MUC5AC: variants seen among roughly 807,000 people sequenced by gnomAD.
The protein encoded by MUC5AC is mucin 5AC, oligomeric mucus/gel-forming.
MUC5AC carries 158 observed loss-of-function variants against 169.7 expected under a neutral mutation model. The ratio of observed to expected loss-of-function variants is 0.93; its 90% CI spans 0.82 to 1.06. MUC5AC has a LOEUF of 1.06. MUC5AC is among the 50% of genes least tolerant of loss of function. The probability of loss-of-function intolerance (pLI) is 0.00; values close to 1 mark genes in which losing one functional copy is unlikely to be tolerated. For missense variants in MUC5AC, 4,359 were observed against 3,089.9 expected, an observed-to-expected ratio of 1.41 and a Z score of -9.74; for synonymous variants, 1,975 against 1,237.0, an observed-to-expected ratio of 1.60 and a Z score of -12.52.
intron 36 of MUC5AC, 129 bp from the exon 37 acceptor site, chr11:1,195,747 C>G: frequency 8.1e-6 from 4 of 491,158 alleles, no homozygotes; most frequent in Non-Finnish European, 1.5e-5. Context: ...TACAGGAGGG[C>G]GGCCACACAC....
At chr11:1,182,110 A>C (rs1262612633) in intron 30 of MUC5AC, 45 bp from the exon 31 acceptor site, 1 of 398,302 alleles carries the variant, frequency 2.5e-6, no homozygotes, top group Non-Finnish European at 4.4e-6. Flanking sequence ...GGCGGCCCCC[A>C]AGTGCGGGCC....
chr11:1,187,687 C>A lies in MUC5AC; in HGVS notation c.9542C>A (p.Thr3181Asn), dbSNP rs1554928333. The A allele has an allele frequency of 1.1e-4, 82 of 765,044 alleles. No homozygotes were observed. The highest frequency in any genetic ancestry group is 1.6e-4 in the Non-Finnish European group (67 of 417,838). The allele number at this position is 765,044 out of a possible 1,614,324, so 47.4% of individuals were successfully genotyped here. ...ACTTCTGCCTCTACAACCAGCACAA[C>A]CCCTGGTCCTGGAACCACTCCCAGC... ...STTSASTTST[T>N]PGPGTTPSPV... is the part of the protein sequence containing the mutation. Residue 3181 changes from threonine (T) to asparagine (N), a missense_variant, in exon 31 of 49, where the codon ACC becomes AAC. Coordinates refer to ENST00000621226, the MANE Select transcript of MUC5AC (RefSeq NM_001304359.2).
Position 1,185,388 on chromosome 11 carries a change from G to A in MUC5AC, c.7243G>A (p.Ala2415Thr). Residue 2415 changes from alanine to threonine, a missense_variant, in exon 31 of 49, where the codon GCT (alanine) becomes ACT (threonine). Physicochemically the swap from Ala to Thr is moderately conservative, Grantham distance 58 (BLOSUM62 0). Coordinates refer to ENST00000621226, the MANE Select transcript of MUC5AC (RefSeq NM_001304359.2). ...TGCCACTACAACCAGCACAACCTCA[G>A]CTCCTACAACCAGCACAACCTCTGC... ...TSATTTSTTS[A>T]PTTSTTSAPT... 1.4e-6 allele frequency: 1 copy of A among 733,070 alleles called. No individual in the cohort carries two copies. Among genetic ancestry groups the A allele is most frequent in the East Asian group, 2.5e-5 (1 of 39,570 alleles). The allele number at this position is 733,070 out of a possible 1,614,324, so 45.4% of individuals were successfully genotyped here.
chr11:1,171,501 TCACCCATTCACC>T (rs1860534611), intron 15 of MUC5AC, among the ~76,000 whole-genome samples: 1 of 104,482 alleles, frequency 9.6e-6, no homozygotes, highest in Non-Finnish European at 1.9e-5. Flanking sequence ...ACTCACCCAT[TCACCCATTCACC>T]CACTCACTCA....
chr11:1,180,130 G>A lies in MUC5AC; in HGVS notation c.3593G>A (p.Arg1198Gln), dbSNP rs1405820267. The A allele has an allele frequency of 1.0e-5, 4 of 397,910 alleles. No homozygotes were observed. The highest frequency in any genetic ancestry group is 2.1e-5 in the African/African-American group (1 of 48,348). 24.6% of individuals were successfully genotyped at this position (397,910 alleles called of 1,614,324 possible). Reference sequence around the variant, plus strand: ...CGGAACCCCCGTGGAGACTGCCTGCGGGACGTCCGGGGCCTGGAAGGTGGG... The same window carrying A: ...CGGAACCCCCGTGGAGACTGCCTGCAGGACGTCCGGGGCCTGGAAGGTGGG... ...TCRNPRGDCL[R>Q]DVRGLEGCYP... The change falls in exon 27 of 49, where the codon CGG becomes CAG. Residue 1198 changes from arginine to glutamine, a missense_variant. Coordinates refer to ENST00000621226, the MANE Select transcript of MUC5AC (RefSeq NM_001304359.2).
chr11:1,174,350 C>T (rs1860622349), intron 16 of MUC5AC, 146 bp from the exon 17 acceptor site: 2 of 561,152 alleles, frequency 3.6e-6, no homozygotes, highest in East Asian at 6.2e-5. Context: ...GGGCAGGATG[C>T]CTGTGAGGAC....
Position 1,190,511 on chromosome 11 carries a change from C to T in MUC5AC, c.12366C>T (p.Thr4122=), listed in dbSNP as rs1367939026. 60 of 501,176 alleles carry T rather than the reference C, an allele frequency of 1.2e-4. No homozygotes were observed. Among genetic ancestry groups the T allele is most frequent in the Middle Eastern group, 5.6e-4 (2 of 3,594 alleles). 31.0% of individuals were successfully genotyped at this position (501,176 alleles called of 1,614,324 possible). A position where few individuals can be genotyped will look rare whatever the true frequency, so the allele number is the denominator to read the frequency against. ...TCCCTGCTTCTACACCCAGCACAAC[C>T]TCTGCCCCTACAACCAGCACAACCT... is the stretch of plus-strand genomic sequence containing the variant. The part of the protein sequence containing the change: ...STIPASTPST[T]SAPTTSTTSA... Residue 4122 remains threonine (T), a synonymous_variant, in exon 31 of 49, where the codon ACC becomes ACT. Transcript: ENST00000621226.
Position 1,184,571 on chromosome 11 carries a change from C to G in MUC5AC, c.6426C>G (p.Thr2142=). 1 of 633,472 alleles carries G rather than the reference C, an allele frequency of 1.6e-6. No individual in the cohort carries two copies. Among genetic ancestry groups the G allele is most frequent in the Non-Finnish European group, 2.8e-6 (1 of 351,574 alleles). 39.2% of individuals were successfully genotyped at this position (633,472 alleles called of 1,614,324 possible). A position where few individuals can be genotyped will look rare whatever the true frequency, so the allele number is the denominator to read the frequency against. Residue 2142 remains threonine (T), a synonymous_variant, in exon 31 of 49, where the codon ACC becomes ACG. Transcript: ENST00000621226. Reference sequence around the variant, plus strand: ...GACCCCATGGTGGAGACAAGGAAACCTACAACAACATCATCAGGAGTGGGG... The same window carrying G: ...GACCCCATGGTGGAGACAAGGAAACGTACAACAACATCATCAGGAGTGGGG... ...SPGPHGGDKE[T]YNNIIRSGEK... is the part of the protein sequence containing the mutation.
chr11:1,192,654 C>T (rs554454877), intron 31 of MUC5AC, 129 bp downstream of exon 31: 4 of 688,442 alleles, frequency 5.8e-6, no homozygotes, highest in African/African-American at 3.5e-5. Flanking sequence ...CACAGAGTGG[C>T]TGCTGGCATT....
At chr11:1,160,872 C>T in intron 2 of MUC5AC, among the ~76,000 whole-genome samples, 183 bp downstream of exon 2, 1 of 152,234 alleles carries the variant, frequency 6.6e-6, no homozygotes, top group Non-Finnish European at 1.5e-5. Context: ...CTACCTGCCT[C>T]TCCTTGGGCC....
intron 16 of MUC5AC, among the ~76,000 whole-genome samples, chr11:1,173,912 C>T (rs1341402560): frequency 6.6e-6 from 1 of 151,142 alleles, no homozygotes; most frequent in African/African-American, 2.4e-5. Flanking sequence ...CTCATCCACT[C>T]ACTTACTCAT....
chr11:1,164,797 C>T (rs28695712), intron 9 of MUC5AC, among the ~76,000 whole-genome samples: 14 of 139,622 alleles, frequency 1.0e-4, no homozygotes, highest in South Asian at 2.3e-4. Context: ...GCCCCTGTCC[C>T]GGGCCCCTGA....
chr11:1,162,157 C>T lies in MUC5AC; in HGVS notation c.462C>T (p.Val154=), dbSNP rs1371051521. The change falls in exon 4 of 49, where the codon GTC becomes GTT. Residue 154 remains valine, a synonymous_variant. Transcript: ENST00000621226. ...VIQLTKGSVL[V]NGHPVLLPFS... ...AGCTGACCAAGGGCTCCGTCCTGGT[C>T]AACGGCCACCCGTGAGTCTGGGTTC... 6.2e-7 allele frequency: 1 copy of T among 1,610,190 alleles called. No individual in the cohort carries two copies. Among genetic ancestry groups the T allele is most frequent in the Non-Finnish European group, 8.5e-7 (1 of 1,178,150 alleles).
chr11:1,194,886 C>T (rs1361366590), intron 35 of MUC5AC, 126 bp from the exon 36 acceptor site: 6 of 622,334 alleles, frequency 9.6e-6, no homozygotes, highest in Non-Finnish European at 1.7e-5. Flanking sequence ...GACAGTGAGG[C>T]ACAGGCAGGG....
rs1861051651 is a variant in MUC5AC at position 1,190,099 on chromosome 11, G to A, written c.11954G>A (p.Arg3985Lys). Residue 3985 changes from arginine (R) to lysine (K), a missense_variant, in exon 31 of 49, where the codon AGG becomes AAG. Transcript: ENST00000621226. ...GDKETYNNII[R>K]SGEKICRRPE... ...AAGGAAACCTACAACAACATCATCA[G>A]GAGTGGGGAAAAAATCTGCCGCCGA... The A allele has an allele frequency of 2.6e-6, 2 of 762,306 alleles. No homozygotes were observed. Among genetic ancestry groups the A allele is most frequent in the East Asian group, 4.9e-5 (2 of 41,220 alleles). The allele number at this position is 762,306 out of a possible 1,614,324, so 47.2% of individuals were successfully genotyped here. A position where few individuals can be genotyped will look rare whatever the true frequency, so the allele number is the denominator to read the frequency against.
Position 1,194,343 on chromosome 11 carries a change from G to A in MUC5AC, c.14989G>A (p.Gly4997Arg), listed in dbSNP as rs746331285. ...GGTGCTGACCCGCAAGCCAGTCCAC[G>A]GGGTGATGACAAACGAGGTGGGGGC... ...RVVLTRKPVH[G>R]VMTNEIIFNN... is the part of the protein sequence containing the mutation. The change falls in exon 34 of 49, where the codon GGG (glycine) becomes AGG (arginine). Residue 4997 changes from glycine (G) to arginine (R), a missense_variant. Physicochemically the swap from Gly to Arg is moderately radical, Grantham distance 125 (BLOSUM62 -2). Transcript: ENST00000621226. The A allele has an allele frequency of 1.1e-5, 8 of 735,294 alleles. No individual in the cohort carries two copies. The highest frequency in any genetic ancestry group is 2.5e-5 in the East Asian group (1 of 39,386). 45.5% of individuals were successfully genotyped at this position (735,294 alleles called of 1,614,324 possible).
rs77237431 is a variant in MUC5AC at position 1,196,903 on chromosome 11, G to A, written c.15856G>A (p.Val5286Met). The change falls in exon 40 of 49, where the codon GTG (valine) becomes ATG (methionine). Residue 5286 changes from valine (V) to methionine (M), a missense_variant. Transcript: ENST00000621226. ...GTGTCTGGGGCCCCACGGAGAGCCGGTGAAGGTGAGTGGAAGGCATGGCCC... is the reference window on the plus strand; with the variant it reads ...GTGTCTGGGGCCCCACGGAGAGCCGATGAAGGTGAGTGGAAGGCATGGCCC... ...PRCLGPHGEP[V>M]KVGHTVGMDC... 1 of 763,038 alleles carries A rather than the reference G, an allele frequency of 1.3e-6. No individual in the cohort carries two copies. Among genetic ancestry groups the A allele is most frequent in the Non-Finnish European group, 2.4e-6 (1 of 417,104 alleles). 47.3% of individuals were successfully genotyped at this position (763,038 alleles called of 1,614,324 possible).
chr11:1,192,599 T>A, intron 31 of MUC5AC, 74 bp downstream of exon 31: 1 of 731,542 alleles, frequency 1.4e-6, no homozygotes, highest in Non-Finnish European at 2.5e-6. Flanking sequence ...CGCCAAGCTG[T>A]GATGATGATA....
rs1554928291 is a variant in MUC5AC, at chr11:1,187,608, A to G, written c.9463A>G (p.Thr3155Ala). ...CAGCAAAACCTCTGGTCCTGGAACC[A>G]CTCCCAGCCCTGTTCCCACCACCAG... is the stretch of plus-strand genomic sequence containing the variant. ...TASKTSGPGT[T>A]PSPVPTTSTI... The change falls in exon 31 of 49, where the codon ACT becomes GCT. Residue 3155 changes from threonine to alanine, a missense_variant. Transcript: ENST00000621226. 6.6e-6 allele frequency: 5 copies of G among 762,106 alleles called. No homozygotes were observed. Among genetic ancestry groups the G allele is most frequent in the Non-Finnish European group, 1.2e-5 (5 of 416,454 alleles). 47.2% of individuals were successfully genotyped at this position (762,106 alleles called of 1,614,324 possible).
Sources: gnomAD v4.1 joint callset for allele counts (sites outside exome capture counted in the v4.1 genomes callset) on GRCh38, gnomAD v4.1.1 for gene constraint, MANE v1.5 for transcripts, NCBI Gene and HGNC (gene_info 2026-07-23, HGNC 2026-07-21) for gene names.